RNF17: variants seen among roughly 807,000 people sequenced by gnomAD.
RNF17 encodes ring finger protein 17.
Under a neutral mutation model 200.5 loss-of-function variants are expected in RNF17, and 31 were observed. The ratio of observed to expected loss-of-function variants is 0.15; its 90% CI spans 0.12 to 0.21. RNF17 has a LOEUF of 0.21. Among genes scored for constraint, RNF17 ranks in the 10% least tolerant of loss-of-function variants. RNF17 has a pLI of 1.00. For missense variants in RNF17, 1,628 were observed against 1,905.1 expected (o/e 0.85, Z 2.71); for synonymous variants, 606 against 637.8 (o/e 0.95, Z 0.75).
intron 2 of RNF17, among the ~76,000 whole-genome samples, chr13:24,769,926 G>A (rs1272738651): frequency 6.6e-6 from 1 of 152,120 alleles, no homozygotes; most frequent in Non-Finnish European, 1.5e-5. Context: ...ATTGATTGAT[G>A]TTAATGGTTA....
intron 15 of RNF17, among the ~76,000 whole-genome samples, chr13:24,807,786 G>T (rs1203048380): frequency 6.6e-6 from 1 of 151,882 alleles, no homozygotes; most frequent in Admixed American, 6.6e-5. Flanking sequence ...TAGGTCTAAC[G>T]TTTAAGTCTT....
intron 20 of RNF17, 90 bp from the exon 21 acceptor site, chr13:24,844,562 G>A (rs571559457): frequency 4.2e-5 from 43 of 1,031,232 alleles, no homozygotes; most frequent in Admixed American, 9.5e-5. Flanking sequence ...TGGCTGGAGC[G>A]GAATGAGCAA....
At chr13:24,795,759 A>G (rs17399918) in intron 10 of RNF17, among the ~76,000 whole-genome samples, 7,562 of 152,244 alleles carry the variant, frequency 0.05, 240 homozygotes, top group Non-Finnish European at 0.071. Flanking sequence ...CTAGAAACCT[A>G]ATCATTATCA....
chr13:24,879,112 G>A (rs1409988339), intron 34 of RNF17, 75 bp from the exon 35 acceptor site: 5 of 1,102,012 alleles, frequency 4.5e-6, no homozygotes, highest in Non-Finnish European at 6.9e-6. Context: ...ACACCCGTGT[G>A]AATGGCCAGA....
At chr13:24,857,506 C>T (rs1892642806) in intron 25 of RNF17, among the ~76,000 whole-genome samples, 1 of 152,160 alleles carries the variant, frequency 6.6e-6, no homozygotes, top group African/African-American at 2.4e-5. Context: ...ACTGTGTCTC[C>T]CTTATTTTCC....
chr13:24,849,646 C>T (rs1033678178), intron 22 of RNF17, among the ~76,000 whole-genome samples: 1 of 152,162 alleles, frequency 6.6e-6, no homozygotes, highest in Non-Finnish European at 1.5e-5. Context: ...ATTTATTGAG[C>T]ATTTTTTCAA....
intron 13 of RNF17, 150 bp downstream of exon 13, chr13:24,800,684 A>T: frequency 7.0e-6 from 4 of 571,656 alleles, no homozygotes; most frequent in Non-Finnish European, 8.6e-6. Context: ...ATAGAAAAGG[A>T]AATGAACTTC....
downstream of RNF17, chr13:24,884,421 GAA>G (rs746370972): frequency 1.2e-6 from 2 of 1,613,908 alleles, no homozygotes; most frequent in African/African-American, 2.7e-5. Flanking sequence ...GTTCCATTGG[GAA>G]ACAGTATAAC....
At chr13:24,884,150 C>G (rs1289005261), downstream of RNF17, 1 of 1,613,856 alleles carries the variant, frequency 6.2e-7, no homozygotes, top group Non-Finnish European at 8.5e-7. Flanking sequence ...GAGGGTGGAG[C>G]AAGTTTGTAC....
chr13:24,858,079 ATAACTC>A (rs1174801546), intron 25 of RNF17, among the ~76,000 whole-genome samples: 3 of 152,156 alleles, frequency 2.0e-5, no homozygotes, highest in African/African-American at 7.2e-5. Flanking sequence ...AGAATAGTCG[ATAACTC>A]TAGCACTCAT....
Position 24,800,371 on chromosome 13 carries a change from T to C in RNF17, c.1595T>C (p.Val532Ala). The C allele has an allele frequency of 1.9e-6, 3 of 1,577,306 alleles. No homozygotes were observed. The highest frequency in any genetic ancestry group is 2.4e-5 in the South Asian group (2 of 84,956). ...ATTACTTGAATTTCTCCTAGAGTTGTTGATACCCATGTGAGACCAGAACAC... is the reference window on the plus strand; with the variant it reads ...ATTACTTGAATTTCTCCTAGAGTTGCTGATACCCATGTGAGACCAGAACAC... ...NSEVLIVTGVVDTHVRPEHSA... is the reference protein window; with the variant it reads ...NSEVLIVTGVADTHVRPEHSA... Residue 532 changes from valine (V) to alanine (A), a missense_variant, in exon 13 of 36, where the codon GTT becomes GCT. Coordinates refer to ENST00000255324, the MANE Select transcript of RNF17 (RefSeq NM_031277.3).
chr13:24,806,726 C>A (rs1230046164), intron 15 of RNF17, among the ~76,000 whole-genome samples: 1 of 151,348 alleles, frequency 6.6e-6, no homozygotes, highest in Non-Finnish European at 1.5e-5. Flanking sequence ...TATACATGTG[C>A]CATGCTGGTG....
At chr13:24,879,579 T>C (rs1346569279) in intron 35 of RNF17, among the ~76,000 whole-genome samples, 158 bp from the exon 36 acceptor site, 2 of 152,162 alleles carry the variant, frequency 1.3e-5, no homozygotes, top group South Asian at 2.1e-4. Flanking sequence ...CACATAAATA[T>C]CTGCTAAGCA....
At chr13:24,876,564 C>A (rs1894879009) in intron 33 of RNF17, among the ~76,000 whole-genome samples, 1 of 152,224 alleles carries the variant, frequency 6.6e-6, no homozygotes, top group Non-Finnish European at 1.5e-5. Flanking sequence ...GGTTCCAATT[C>A]CTGCATATCC....
rs925312219 is a variant in RNF17, at chr13:24,812,298, C to T, written c.2091+7869C>T. ...GCTGTGCTAGCAGTCAGCGAGACTC[C>T]GTGGGCGTAGGACACTCTGAGCCAT... On this transcript the variant is annotated intron_variant, in intron 15 of 35. Coordinates refer to ENST00000255324, the MANE Select transcript of RNF17 (RefSeq NM_031277.3). 6.6e-5 allele frequency among the ~76,000 whole-genome samples: 10 copies of T among 151,966 alleles called. 1 individual carries two copies. Among genetic ancestry groups the T allele is most frequent in the East Asian group, 6.0e-4 (3 of 4,980 alleles).
intron 6 of RNF17, among the ~76,000 whole-genome samples, chr13:24,785,982 G>C (rs1883054388): frequency 6.6e-6 from 1 of 151,978 alleles, no homozygotes; most frequent in Non-Finnish European, 1.5e-5. Flanking sequence ...TCAGATTTGT[G>C]CCTTTGGATT....
At chr13:24,803,427 T>G (rs998969281) in intron 14 of RNF17, among the ~76,000 whole-genome samples, 5 of 152,166 alleles carry the variant, frequency 3.3e-5, no homozygotes, top group African/African-American at 1.2e-4. Flanking sequence ...GCCTTCCCAG[T>G]AGCTGGAATT....
At chr13:24,795,140 C>T (rs949344886) in intron 10 of RNF17, among the ~76,000 whole-genome samples, 17 of 152,086 alleles carry the variant, frequency 1.1e-4, no homozygotes, top group African/African-American at 4.1e-4. Flanking sequence ...GTTAAAATGA[C>T]CCATTTGTTC....
intron 15 of RNF17, among the ~76,000 whole-genome samples, chr13:24,823,961 C>T (rs75946051): frequency 0.015 from 2,358 of 152,248 alleles, 59 homozygotes; most frequent in East Asian, 0.081. Flanking sequence ...AGGTATCTCC[C>T]GGACTTAGGA....
Sources: gnomAD v4.1 joint callset for allele counts (sites outside exome capture counted in the v4.1 genomes callset) on GRCh38, gnomAD v4.1.1 for gene constraint, MANE v1.5 for transcripts, NCBI Gene and HGNC (gene_info 2026-07-23, HGNC 2026-07-21) for gene names.